ROBO2: variants seen among roughly 807,000 people sequenced by gnomAD.
The protein encoded by ROBO2 is roundabout guidance receptor 2.
Under a neutral mutation model 160.8 loss-of-function variants are expected in ROBO2, and 53 were observed. That is an observed-to-expected ratio of 0.33 (90% confidence interval 0.26 to 0.41). ROBO2 has a LOEUF of 0.41. Among genes scored for constraint, ROBO2 ranks in the 10% least tolerant of loss-of-function variants. The pLI, the probability that ROBO2 is intolerant of heterozygous loss-of-function variation, is 1.00. For missense variants in ROBO2, 1,577 were observed against 1,722.4 expected, an observed-to-expected ratio of 0.92 and a Z score of 1.49; for synonymous variants, 664 against 611.7, an observed-to-expected ratio of 1.09 and a Z score of -1.26.
chr3:75,935,373 A>T (rs1947723800), intron 1 of ROBO2, among the ~76,000 whole-genome samples: 1 of 151,966 alleles, frequency 6.6e-6, no homozygotes. Context: ...TTAGCCGGGG[A>T]TGGTGGTGCG....
chr3:77,290,248 T>A (rs1288409205), intron 2 of ROBO2, among the ~76,000 whole-genome samples: 1 of 143,046 alleles, frequency 7.0e-6, no homozygotes, highest in Non-Finnish European at 1.5e-5. Context: ...AAATTGATGG[T>A]TAAACGGGAA....
intron 2 of ROBO2, among the ~76,000 whole-genome samples, chr3:76,891,033 G>A (rs2148816192): frequency 6.6e-6 from 1 of 152,208 alleles, no homozygotes; most frequent in Middle Eastern, 3.4e-3. Context: ...GGTTTTGAAT[G>A]TTGTCAAGTG....
intron 23 of ROBO2, chr3:77,632,632 G>T: frequency 2.0e-6 from 3 of 1,535,458 alleles, no homozygotes; most frequent in South Asian, 2.4e-5. Context: ...TTTTAGGCTG[G>T]ATGGAACCAG....
chr3:76,117,186 G>A (rs940160147), intron 2 of ROBO2, among the ~76,000 whole-genome samples: 3 of 152,120 alleles, frequency 2.0e-5, no homozygotes, highest in Non-Finnish European at 2.9e-5. Flanking sequence ...AAGATGTGTT[G>A]TCAGAACACA....
At chr3:76,837,539 A>T (rs1361484757) in intron 2 of ROBO2, among the ~76,000 whole-genome samples, 1 of 151,524 alleles carries the variant, frequency 6.6e-6, no homozygotes, top group Non-Finnish European at 1.5e-5. Context: ...AAACCCAAAC[A>T]TATAGAAAGT....
At chr3:77,515,456 A>G (rs1561048887) in intron 5 of ROBO2, among the ~76,000 whole-genome samples, 1 of 151,744 alleles carries the variant, frequency 6.6e-6, no homozygotes, top group East Asian at 1.9e-4. Flanking sequence ...AAATAATTTT[A>G]AAATATTACT....
In ROBO2 at chr3:76,994,399, T is replaced by C. The variant is rs565520340; in HGVS notation, c.110-103615T>C. On this transcript the variant is annotated intron_variant, in intron 2 of 26. Transcript: ENST00000487694. ...ACAAACTTTAAACTTTTTACTGCAT[T>C]GGGAAAGTTGGAAACTGCTTTTATT... Among the ~76,000 whole-genome samples the C allele has an allele frequency of 6.6e-5, 10 of 152,276 alleles. No homozygotes were observed. In the South Asian group the frequency reaches 2.1e-3, roughly 32 times the overall value.
intron 2 of ROBO2, among the ~76,000 whole-genome samples, chr3:76,362,766 G>A (rs1006739169): frequency 6.6e-6 from 1 of 152,128 alleles, no homozygotes; most frequent in East Asian, 1.9e-4. Flanking sequence ...GTCTTTGAGT[G>A]GCTGCTGTTC....
intron 2 of ROBO2, among the ~76,000 whole-genome samples, chr3:76,814,942 C>T (rs1243043167): frequency 6.6e-6 from 1 of 151,734 alleles, no homozygotes. Flanking sequence ...CTGAGGATTC[C>T]GATAAGAAAA....
At chr3:77,570,405 T>C (rs571606491) in intron 13 of ROBO2, among the ~76,000 whole-genome samples, 95 of 152,142 alleles carry the variant, frequency 6.2e-4, no homozygotes, top group African/African-American at 2.2e-3. Context: ...ATCCCCGTCA[T>C]GGGCTGTAAC....
intron 12 of ROBO2, 90 bp from the exon 14 acceptor site, chr3:77,568,223 T>A: frequency 6.8e-7 from 1 of 1,475,826 alleles, no homozygotes. Context: ...TGTAATTAGT[T>A]CTAAAGACAT....
At chr3:76,653,191 A>T (rs1052880604) in intron 2 of ROBO2, among the ~76,000 whole-genome samples, 16 of 152,128 alleles carry the variant, frequency 1.1e-4, no homozygotes, top group African/African-American at 3.6e-4. Context: ...TGTATTATGT[A>T]TCAATTAATT....
chr3:75,959,475 C>T (rs1026570390), intron 2 of ROBO2, among the ~76,000 whole-genome samples: 1 of 151,716 alleles, frequency 6.6e-6, no homozygotes, highest in African/African-American at 2.4e-5. Context: ...GATGGAGCTA[C>T]AGCGTAAAAC....
chr3:76,256,555 G>A (rs1258075354), intron 2 of ROBO2, among the ~76,000 whole-genome samples: 1 of 151,254 alleles, frequency 6.6e-6, no homozygotes, highest in Admixed American at 6.6e-5. Context: ...AAAAATAAAA[G>A]CAAAAATTAG....
intron 2 of ROBO2, among the ~76,000 whole-genome samples, chr3:76,488,278 C>A (rs550906841): frequency 6.6e-6 from 1 of 152,158 alleles, no homozygotes; most frequent in Non-Finnish European, 1.5e-5. Context: ...TCTTTGGGGG[C>A]TATCTTATGA....
At chr3:77,631,151 G>GT (rs2153712871) in intron 23 of ROBO2, 2 of 151,868 alleles carry the variant, frequency 1.3e-5, no homozygotes, top group African/African-American at 4.8e-5. Context: ...AGTAAAAAGT[G>GT]TATCTCTGTG....
chr3:77,067,367 G>C (rs2149809952), intron 1 of ROBO2, among the ~76,000 whole-genome samples: 1 of 152,224 alleles, frequency 6.6e-6, no homozygotes, highest in African/African-American at 2.4e-5. Context: ...ACTTGCCCCT[G>C]ATATTTTTAT....
At chr3:76,558,896 C>T (rs1183709641) in intron 2 of ROBO2, among the ~76,000 whole-genome samples, 1 of 152,062 alleles carries the variant, frequency 6.6e-6, no homozygotes, top group Non-Finnish European at 1.5e-5. Context: ...GAGATGGGCT[C>T]ACTTCAATAA....
In ROBO2 at chr3:76,420,680, C is replaced by T. The variant is rs546257501; in HGVS notation, c.109+483078C>T. On this transcript the variant is annotated intron_variant, in intron 2 of 26. Transcript: ENST00000487694. ...AACATCAATATTTTATAGTAATAAG[C>T]CATAAACACTGTATAGTTCAAGCAA... 1.4e-4 allele frequency among the ~76,000 whole-genome samples: 21 copies of T among 152,116 alleles called. 1 individual carries two copies. Among genetic ancestry groups the T allele is most frequent in the Non-Finnish European group, 1.5e-5 (1 of 68,000 alleles).
Sources: gnomAD v4.1 joint callset for allele counts (sites outside exome capture counted in the v4.1 genomes callset) on GRCh38, gnomAD v4.1.1 for gene constraint, MANE v1.5 for transcripts, NCBI Gene and HGNC (gene_info 2026-07-23, HGNC 2026-07-21) for gene names.